The following CFAP99 variants were observed in gnomAD, a reference collection of about 807,000 sequenced individuals.
The protein encoded by CFAP99 is cilia- and flagella-associated protein 99.
Under a neutral mutation model 82.7 loss-of-function variants are expected in CFAP99, and 84 were observed. The ratio of observed to expected loss-of-function variants is 1.02; its 90% confidence interval spans 0.85 to 1.22. CFAP99 has a LOEUF of 1.22. Among genes scored for constraint, CFAP99 ranks in the 50% most tolerant of loss-of-function variants. The pLI is 0.00. For missense variants in CFAP99, 1,059 were observed against 983.5 expected, an observed-to-expected ratio of 1.08 and a Z score of -1.03; for synonymous variants, 456 against 429.5, an observed-to-expected ratio of 1.06 and a Z score of -0.76.
chr4:2,452,038 G>A, intron 10 of CFAP99, 104 bp from the exon 11 acceptor site: 1 of 1,195,678 alleles, frequency 8.4e-7, no homozygotes, highest in Non-Finnish European at 1.2e-6. Flanking sequence ...AGGAGTAGCA[G>A]CCCACGCCTG....
At chr4:2,419,433 G>A (rs1733491619) in intron 1 of CFAP99, among the ~76,000 whole-genome samples, 1 of 152,166 alleles carries the variant, frequency 6.6e-6, no homozygotes, top group African/African-American at 2.4e-5. Context: ...GACAGCCAGA[G>A]AAGCAGGCAC....
chr4:2,431,564 T>A (rs1459627399), intron 2 of CFAP99, among the ~76,000 whole-genome samples: 1 of 152,132 alleles, frequency 6.6e-6, no homozygotes, highest in African/African-American at 2.4e-5. Flanking sequence ...ATGTTCTTGC[T>A]ATGAGAGTAA....
intron 6 of CFAP99, among the ~76,000 whole-genome samples, chr4:2,447,671 G>A (rs911771790): frequency 6.8e-6 from 1 of 147,002 alleles, no homozygotes; most frequent in South Asian, 2.2e-4. Context: ...ATGGATGGAC[G>A]GATTGGATGA....
chr4:2,437,296 T>C (rs538359344), intron 3 of CFAP99, among the ~76,000 whole-genome samples: 24 of 152,198 alleles, frequency 1.6e-4, no homozygotes, highest in Non-Finnish European at 3.1e-4. Flanking sequence ...CACGAGAGCC[T>C]TCCGTAGGCT....
At chr4:2,444,356 C>T (rs1381640557) in intron 5 of CFAP99, among the ~76,000 whole-genome samples, 1 of 152,200 alleles carries the variant, frequency 6.6e-6, no homozygotes, top group African/African-American at 2.4e-5. Flanking sequence ...GGACCAGCCC[C>T]TCTCCCCAAC....
chr4:2,450,151 G>C, intron 8 of CFAP99, 146 bp downstream of exon 8: 1 of 817,086 alleles, frequency 1.2e-6, no homozygotes, highest in Non-Finnish European at 2.0e-6. Flanking sequence ...GTAGCACTGG[G>C]AAAGTGTGCC....
At chr4:2,442,954 GGGTGCTGGGGGCCTTGGGGGC>G (rs1478873164) in intron 4 of CFAP99, among the ~76,000 whole-genome samples, 155 bp from the exon 5 acceptor site, 2 of 106,378 alleles carry the variant, frequency 1.9e-5, no homozygotes, top group Admixed American at 1.8e-4. Context: ...GAGCCACTGG[GGGTGCTGGGGGCCTTGGGGGC>G]AGGGAGCTCA....
chr4:2,426,927 G>T, intron 2 of CFAP99: 2 of 288,636 alleles, frequency 6.9e-6, no homozygotes, highest in Admixed American at 8.6e-5. Context: ...TCGGGAAATG[G>T]GTCCTCCATC....
intron 4 of CFAP99, among the ~76,000 whole-genome samples, chr4:2,442,456 G>A (rs1287503548): frequency 6.6e-6 from 1 of 152,010 alleles, no homozygotes; most frequent in African/African-American, 2.4e-5. Flanking sequence ...GCTGGGGAGG[G>A]TGGCCACCCT....
intron 4 of CFAP99, among the ~76,000 whole-genome samples, chr4:2,440,292 G>A (rs1476646951): frequency 1.4e-5 from 2 of 146,804 alleles, no homozygotes; most frequent in Non-Finnish European, 3.0e-5. Flanking sequence ...GACTACAGGC[G>A]CCCGCCACTA....
intron 1 of CFAP99, among the ~76,000 whole-genome samples, chr4:2,420,329 C>T (rs1054817240): frequency 6.6e-6 from 1 of 152,152 alleles, no homozygotes; most frequent in South Asian, 2.1e-4. Flanking sequence ...AAACTCCAGA[C>T]CTGTTTACCT....
chr4:2,433,874 C>T (rs1205277837), intron 2 of CFAP99, among the ~76,000 whole-genome samples: 2 of 152,306 alleles, frequency 1.3e-5, no homozygotes, highest in South Asian at 2.1e-4. Context: ...ACAGCCAGGG[C>T]GGGCTGGGGA....
intron 13 of CFAP99, 116 bp from the exon 14 acceptor site, chr4:2,459,921 T>A (rs1734575298): frequency 1.1e-6 from 1 of 878,256 alleles, no homozygotes; most frequent in African/African-American, 1.7e-5. Context: ...TAAGCAGTGT[T>A]GAAGCAGAGG....
In CFAP99 at chr4:2,454,593, TG is replaced by T. The variant is rs368966829; in HGVS notation, c.1161+2248del. On this transcript the variant is annotated intron_variant, in intron 11 of 14. Transcript: ENST00000635017. ...TGTTGTTTTTTTTCTTTTTTTTTTT[TG>T]TTTTTTTTTTTTTTTGGTTTTTGTT... Among the ~76,000 whole-genome samples, 218 of 110,412 alleles carry T rather than the reference TG, an allele frequency of 2.0e-3. 1 individual carries two copies. Among genetic ancestry groups the T allele is most frequent in the Middle Eastern group, 5.3e-3 (1 of 190 alleles). 72.4% of individuals were successfully genotyped at this position (110,412 alleles called of 152,430 possible).
chr4:2,451,006 G>A, exon 9 of CFAP99: 2 of 1,536,018 alleles, frequency 1.3e-6, no homozygotes, highest in Non-Finnish European at 1.7e-6. Flanking sequence ...CTCCGAAGCT[G>A]ACCTTCTATA....
At chr4:2,453,312 G>A (rs1450000691) in intron 11 of CFAP99, among the ~76,000 whole-genome samples, 6 of 152,188 alleles carry the variant, frequency 3.9e-5, no homozygotes, top group Non-Finnish European at 8.8e-5. Context: ...AGAATAATGT[G>A]CAAGACTTTC....
intron 1 of CFAP99, among the ~76,000 whole-genome samples, chr4:2,423,535 G>T (rs1402980923): frequency 6.6e-6 from 1 of 152,222 alleles, no homozygotes; most frequent in African/African-American, 2.4e-5. Context: ...TGAGGCTGGG[G>T]TGGGGTGTGG....
chr4:2,433,038 C>T (rs142679614), intron 2 of CFAP99, among the ~76,000 whole-genome samples: 3,988 of 152,144 alleles, frequency 0.026, 259 homozygotes, highest in Admixed American at 0.15. Flanking sequence ...TCCTGGCAGC[C>T]GCCAGCCCAG....
chr4:2,452,242 G>C, exon 11 of CFAP99: 1 of 1,536,118 alleles, frequency 6.5e-7, no homozygotes, highest in South Asian at 1.2e-5. Flanking sequence ...GGCTGCAAGC[G>C]AGTGCCGGCG....
Sources: gnomAD v4.1 joint callset for allele counts (sites outside exome capture counted in the v4.1 genomes callset) on GRCh38, gnomAD v4.1.1 for gene constraint, MANE v1.5 for transcripts, NCBI Gene and HGNC (gene_info 2026-07-23, HGNC 2026-07-21) for gene names.